UHRF2: variants seen among roughly 807,000 people sequenced by gnomAD.
UHRF2 encodes the protein E3 ubiquitin-protein ligase UHRF2.
Under a neutral mutation model 96.8 loss-of-function variants are expected in UHRF2, and 23 were observed. The ratio of observed to expected loss-of-function variants is 0.24; its 90% confidence interval spans 0.17 to 0.34. The LOEUF is 0.34. UHRF2 is among the 10% of genes least tolerant of loss of function. The probability of loss-of-function intolerance (pLI) is 1.00; values close to 1 mark genes in which losing one functional copy is unlikely to be tolerated. For synonymous variants in UHRF2, 385 were observed against 332.6 expected, an observed-to-expected ratio of 1.16 and a Z score of -1.72; for missense variants, 685 against 981.5, an observed-to-expected ratio of 0.70 and a Z score of 4.04.
At chr9:6,489,628 C>A (rs1209449381) in intron 9 of UHRF2, among the ~76,000 whole-genome samples, 5 of 151,246 alleles carry the variant, frequency 3.3e-5, no homozygotes, top group Non-Finnish European at 5.9e-5. Flanking sequence ...GTGTTGATAT[C>A]TTATTGTTGG....
intron 3 of UHRF2, among the ~76,000 whole-genome samples, chr9:6,453,746 T>C (rs372468061): frequency 1.4e-4 from 21 of 151,900 alleles, no homozygotes; most frequent in East Asian, 1.4e-3. Context: ...CTACTAAAAA[T>C]ACAAAAAAAC....
chr9:6,443,383 G>A (rs1163603818), intron 3 of UHRF2, among the ~76,000 whole-genome samples: 1 of 152,176 alleles, frequency 6.6e-6, no homozygotes, highest in East Asian at 1.9e-4. Flanking sequence ...AATAACTGAG[G>A]TTTAAAGAAG....
chr9:6,420,805 A>T, intron 1 of UHRF2, 107 bp from the exon 2 acceptor site: 1 of 836,534 alleles, frequency 1.2e-6, no homozygotes, highest in Non-Finnish European at 1.9e-6. Flanking sequence ...AAAATCTCTA[A>T]ACTGTAGTGC....
chr9:6,495,650 C>A (rs202154876), intron 10 of UHRF2: 1 of 152,174 alleles, frequency 6.6e-6, no homozygotes, highest in Non-Finnish European at 1.5e-5. Flanking sequence ...TCAGGGCAGT[C>A]AGAGGCACCT....
Position 6,504,698 on chromosome 9 carries a change from A to G in UHRF2, c.2262+7A>G. The G allele has an allele frequency of 6.2e-7, 1 of 1,608,406 alleles. No homozygotes were observed. The highest frequency in any genetic ancestry group is 8.5e-7 in the Non-Finnish European group (1 of 1,175,762). ...CTTCCACAATGTCTGTAAAGTAAGT[A>G]GAATTCCTTCCTCACTTTCCCTGTT... On this transcript the variant is annotated splice_region_variant and intron_variant, in intron 15 of 15. Transcript: ENST00000276893.
In UHRF2 at chr9:6,438,942, A is replaced by G. The variant is rs567478885; in HGVS notation, c.644+4769A>G. ...ATTTATGATGTTTCTTCTTAGGTAGAGGAGTTTCAAACACCAAACCAAAAA... is the reference window on the plus strand; with the variant it reads ...ATTTATGATGTTTCTTCTTAGGTAGGGGAGTTTCAAACACCAAACCAAAAA... On this transcript the variant is annotated intron_variant, in intron 3 of 15. Coordinates refer to ENST00000276893, the MANE Select transcript of UHRF2 (RefSeq NM_152896.3). 2.6e-5 allele frequency among the ~76,000 whole-genome samples: 4 copies of G among 152,314 alleles called. No individual in the cohort carries two copies. The South Asian group carries it at 8.3e-4, about 32-fold the overall frequency.
chr9:6,505,372 T>G (rs1349920784), intron 15 of UHRF2, among the ~76,000 whole-genome samples: 1 of 152,136 alleles, frequency 6.6e-6, no homozygotes, highest in Non-Finnish European at 1.5e-5. Context: ...CTGGGCTCAC[T>G]GTAACCTCTG....
At chr9:6,502,152 T>A (rs891667420) in intron 14 of UHRF2, among the ~76,000 whole-genome samples, 3 of 152,156 alleles carry the variant, frequency 2.0e-5, no homozygotes. Context: ...TAAATACATA[T>A]GTGTATATAT....
chr9:6,470,693 T>A (rs889909477), intron 4 of UHRF2, among the ~76,000 whole-genome samples: 1 of 152,182 alleles, frequency 6.6e-6, no homozygotes, highest in African/African-American at 2.4e-5. Context: ...AATGAAGTCG[T>A]GAGATTCTGG....
At chr9:6,497,501 C>A in intron 11 of UHRF2, 141 bp downstream of exon 11, 1 of 917,008 alleles carries the variant, frequency 1.1e-6, no homozygotes, top group Non-Finnish European at 1.6e-6. Context: ...TGAACAGATG[C>A]ATAAAGCAAA....
intron 10 of UHRF2, 70 bp from the exon 11 acceptor site, chr9:6,497,128 T>G: frequency 2.9e-6 from 4 of 1,389,850 alleles, no homozygotes; most frequent in Non-Finnish European, 3.0e-6. Flanking sequence ...ACCTTTTAAT[T>G]GAGCTAATGA....
At chr9:6,488,254 A>G in intron 9 of UHRF2, among the ~76,000 whole-genome samples, 1 of 5,090 alleles carries the variant, frequency 2.0e-4, no homozygotes, top group Non-Finnish European at 8.7e-4. Context: ...GTCTCCTTAA[A>G]AAAAAAAAAA....
rs373417432 is a variant in UHRF2, at chr9:6,475,396, C to G, written c.869C>G (p.Ser290Cys). 3.0e-5 allele frequency: 47 copies of G among 1,550,052 alleles called. No homozygotes were observed. Among genetic ancestry groups the G allele is most frequent in the Non-Finnish European group, 7.0e-6 (8 of 1,147,244 alleles). ...ELRVKIFLGGSEGTLNDCKII... is the reference protein window; with the variant it reads ...ELRVKIFLGGCEGTLNDCKII... ...TTTCTTCCTTTTTTAAACAGGGGTT[C>G]TGAAGGAACATTAAATGACTGCAAG... is the stretch of plus-strand genomic sequence containing the variant. The change falls in exon 5 of 16, where the codon TCT becomes TGT. Residue 290 changes from serine to cysteine, a missense_variant. Physicochemically the swap from Ser to Cys is moderately radical, Grantham distance 112 (BLOSUM62 -1). Around this residue, in one of 6 missense-constraint regions of UHRF2, gnomAD observed 391 missense variants for 437.0 expected, o/e 0.89. Coordinates refer to ENST00000276893, the MANE Select transcript of UHRF2 (RefSeq NM_152896.3).
At chr9:6,470,358 C>CAAA (rs35859975) in intron 4 of UHRF2, among the ~76,000 whole-genome samples, 1 of 94,606 alleles carries the variant, frequency 1.1e-5, no homozygotes, top group Admixed American at 1.2e-4. Flanking sequence ...GACTCCATCT[C>CAAA]AAAAAAAAAA....
At position 6,421,104 on chromosome 9, in the gene UHRF2, C is replaced by G. The variant is rs748966033; in HGVS notation, c.346C>G (p.Arg116Gly). Residue 116 changes from arginine to glycine, a missense_variant, in exon 2 of 16, where the codon CGT (arginine) becomes GGT (glycine). Arg to Gly is a moderately radical substitution (Grantham distance 125, BLOSUM62 -2). Around this residue, in one of 6 missense-constraint regions of UHRF2, gnomAD observed 391 missense variants for 437.0 expected, o/e 0.89. Transcript: ENST00000276893. ...GPSNQPSTSA[R>G]ARLIDPGFGI... ...TTCCAATCAGCCATCTACATCAGCT[C>G]GTGCCCGTCTTATTGATCCTGGCTT... 3.1e-6 allele frequency: 5 copies of G among 1,613,932 alleles called. No homozygotes were observed. Among genetic ancestry groups the G allele is most frequent in the Admixed American group, 1.7e-5 (1 of 59,990 alleles).
intron 3 of UHRF2, among the ~76,000 whole-genome samples, chr9:6,436,580 A>G (rs1411201787): frequency 6.6e-6 from 1 of 152,242 alleles, no homozygotes. Context: ...AAATAATATT[A>G]TGCAGAATGG....
At chr9:6,416,915 A>G (rs1819642928) in intron 1 of UHRF2, among the ~76,000 whole-genome samples, 1 of 152,186 alleles carries the variant, frequency 6.6e-6, no homozygotes, top group Non-Finnish European at 1.5e-5. Context: ...AGGTGGTCTT[A>G]AAATAGATAA....
intron 9 of UHRF2, chr9:6,492,268 T>C: frequency 9.3e-7 from 1 of 1,074,962 alleles, no homozygotes; most frequent in South Asian, 1.4e-5. Flanking sequence ...TTCCATTACT[T>C]TTTCTTTATG....
chr9:6,431,224 C>G (rs1312846983), intron 2 of UHRF2, among the ~76,000 whole-genome samples: 1 of 152,158 alleles, frequency 6.6e-6, no homozygotes, highest in Non-Finnish European at 1.5e-5. Context: ...AATTTAAGAG[C>G]ATTTCTGTCC....
Sources: gnomAD v4.1 joint callset for allele counts (sites outside exome capture counted in the v4.1 genomes callset) on GRCh38, gnomAD v4.1.1 for gene constraint, gnomAD v4.1.1 regional missense constraint, MANE v1.5 for transcripts, NCBI Gene and HGNC (gene_info 2026-07-23, HGNC 2026-07-21) for gene names.